The following QSOX2 variants were observed in gnomAD, a reference collection of about 807,000 sequenced individuals.
The protein encoded by QSOX2 is sulfhydryl oxidase 2.
In QSOX2, 46 loss-of-function variants were observed where a neutral mutation model predicts 61.7. The observed-to-expected ratio is 0.75, with a 90% CI of 0.59 to 0.95. The LOEUF is 0.95. QSOX2 is among the 40% of genes least tolerant of loss of function. The pLI, the probability that QSOX2 is intolerant of heterozygous loss-of-function variation, is 0.00. For missense variants in QSOX2, 879 were observed against 918.9 expected (o/e 0.96, Z 0.56); for synonymous variants, 383 against 388.4 (o/e 0.99, Z 0.16).
intron 8 of QSOX2, among the ~76,000 whole-genome samples, chr9:136,218,010 CA>C (rs1189649671): frequency 2.0e-5 from 3 of 152,210 alleles, no homozygotes; most frequent in Non-Finnish European, 4.4e-5. Context: ...TTATTTTTGG[CA>C]AGATAAATAT....
chr9:136,209,823 C>G lies in QSOX2; in HGVS notation c.1550-548G>C. The G allele has an allele frequency of 1.0e-6, 1 of 985,364 alleles. No individual in the cohort carries two copies. The highest frequency in any genetic ancestry group is 1.2e-6 in the Non-Finnish European group (1 of 829,914). 61.0% of individuals were successfully genotyped at this position (985,364 alleles called of 1,614,324 possible). A position where few individuals can be genotyped will look rare whatever the true frequency, so the allele number is the denominator to read the frequency against. ...CCACTGCACTTCAGGTACACTGGCC[C>G]TTTCCGGACTACAAATCCCTTCAAG... On this transcript the variant is annotated intron_variant, in intron 11 of 11. Coordinates refer to ENST00000358701, the MANE Select transcript of QSOX2 (RefSeq NM_181701.4). This position sits in a 1 kb window ranked among gnomAD's most constrained non-coding sequence, Gnocchi z 5.6.
chr9:136,211,219 C>G, intron 11 of QSOX2, 45 bp downstream of exon 11: 1 of 1,593,390 alleles, frequency 6.3e-7, no homozygotes, highest in Non-Finnish European at 8.6e-7. Context: ...GGACCAGGGC[C>G]TCCCTCCGCC....
chr9:136,227,128 G>A (rs752658244), intron 1 of QSOX2, among the ~76,000 whole-genome samples: 2 of 152,232 alleles, frequency 1.3e-5, no homozygotes, highest in African/African-American at 2.4e-5. Context: ...TGCACATCAC[G>A]GAGCAGGGAC....
intron 2 of QSOX2, among the ~76,000 whole-genome samples, chr9:136,225,432 G>C (rs1193287089): frequency 2.0e-5 from 3 of 152,226 alleles, no homozygotes; most frequent in African/African-American, 7.2e-5. Flanking sequence ...AAAAGCACTG[G>C]CCAGCTAAGA....
In QSOX2 at chr9:136,218,727, G is replaced by A. The variant is rs559659543; in HGVS notation, c.1038C>T (p.Ala346=). ...RVELAAHKSL[A]GAELKTLKDF... is the part of the protein sequence containing the mutation. ...CCTTGAGCGTCTTCAGCTCTGCTCC[G>A]GCCAGGGACTTGTGGGCTGCCAGCT... The change falls in exon 8 of 12, where the codon GCC becomes GCT. Residue 346 remains alanine, a synonymous_variant. Transcript: ENST00000358701. The A allele has an allele frequency of 3.5e-5, 57 of 1,613,756 alleles. No individual in the cohort carries two copies. Among genetic ancestry groups the A allele is most frequent in the African/African-American group, 9.3e-5 (7 of 75,072 alleles).
intron 1 of QSOX2, among the ~76,000 whole-genome samples, chr9:136,244,621 G>A (rs550206182): frequency 1.2e-4 from 18 of 152,328 alleles, no homozygotes; most frequent in African/African-American, 4.3e-4. Context: ...CTACTTCAGT[G>A]ATTTAAATAC....
Position 136,245,465 on chromosome 9 carries a change from G to A in QSOX2, c.328+11C>T, listed in dbSNP as rs782190265. On this transcript the variant is annotated intron_variant, in intron 1 of 11. Transcript: ENST00000358701. The stretch of plus-strand genomic sequence containing the variant: ...GGGGTCGGGGGGTCCCCGCGCGGGG[G>A]CGCGCCTCACCTCGCACATCCCCAG... The A allele has an allele frequency of 5.1e-6, 8 of 1,582,170 alleles. No homozygotes were observed. The highest frequency in any genetic ancestry group is 4.5e-5 in the South Asian group (4 of 89,746).
At chr9:136,243,153 C>T (rs1263716818) in intron 1 of QSOX2, among the ~76,000 whole-genome samples, 1 of 152,198 alleles carries the variant, frequency 6.6e-6, no homozygotes, top group Non-Finnish European at 1.5e-5. Context: ...AATAGCACAC[C>T]CTGCAGGAAA....
At chr9:136,218,379 G>A (rs1234786938) in intron 8 of QSOX2, among the ~76,000 whole-genome samples, 3 of 152,130 alleles carry the variant, frequency 2.0e-5, no homozygotes, top group East Asian at 1.9e-4. Flanking sequence ...GTGGGCCTCC[G>A]CTCCCTCCTC....
rs146170205 is a variant in QSOX2 at position 136,244,694 on chromosome 9, C to T, written c.328+782G>A. On this transcript the variant is annotated intron_variant, in intron 1 of 11. Transcript: ENST00000358701. Reference sequence around the variant, plus strand: ...CGCCAACTCTAACCTGTAGAGCAGGCGAGTAACTTCGTGACTGGTTAACAA... The same window carrying T: ...CGCCAACTCTAACCTGTAGAGCAGGTGAGTAACTTCGTGACTGGTTAACAA... 1.1e-4 allele frequency among the ~76,000 whole-genome samples: 16 copies of T among 152,284 alleles called. No homozygotes were observed. In the East Asian group the frequency reaches 3.1e-3, roughly 29 times the overall value.
In QSOX2 at chr9:136,215,276, A is replaced by G; in HGVS notation, c.1238T>C (p.Ile413Thr). ...GCTTCCTTGACATCCAACCCACTTT[A>G]TGTGATTAGTAAGGAATATTCCAGA... ...RISGIFLTNH[I>T]KWVGCQGSRS... Residue 413 changes from isoleucine to threonine, a missense_variant, in exon 10 of 12, where the codon ATA (isoleucine) becomes ACA (threonine). Ile to Thr is a moderately conservative substitution (Grantham distance 89). Coordinates refer to ENST00000358701, the MANE Select transcript of QSOX2 (RefSeq NM_181701.4). 6.2e-7 allele frequency: 1 copy of G among 1,613,966 alleles called. No individual in the cohort carries two copies. The highest frequency in any genetic ancestry group is 8.5e-7 in the Non-Finnish European group (1 of 1,179,990).
intron 6 of QSOX2, among the ~76,000 whole-genome samples, chr9:136,220,920 C>A (rs1831973377): frequency 6.6e-6 from 1 of 152,208 alleles, no homozygotes; most frequent in African/African-American, 2.4e-5. Context: ...GTTGCCCAGG[C>A]TGGTCTGGAA....
At chr9:136,240,423 A>T (rs543179659) in intron 1 of QSOX2, among the ~76,000 whole-genome samples, 32 of 152,340 alleles carry the variant, frequency 2.1e-4, no homozygotes, top group African/African-American at 7.7e-4. Flanking sequence ...AAGATAAAAC[A>T]ATCTCCCAAG....
intron 10 of QSOX2, among the ~76,000 whole-genome samples, chr9:136,213,221 G>A (rs937922411): frequency 2.7e-5 from 4 of 150,304 alleles, no homozygotes; most frequent in South Asian, 2.1e-4. Context: ...TCAGGCTCAC[G>A]CTTCAGAAGC....
rs73668100 is a variant in QSOX2, at chr9:136,235,761, A to G, written c.329-8887T>C. Among the ~76,000 whole-genome samples, 1,414 of 152,280 alleles carry G rather than the reference A, an allele frequency of 9.3e-3. 16 individuals carry two copies. The highest frequency in any genetic ancestry group is 0.032 in the African/African-American group (1,332 of 41,548). On this transcript the variant is annotated intron_variant, in intron 1 of 11. Coordinates refer to ENST00000358701, the MANE Select transcript of QSOX2 (RefSeq NM_181701.4). ...GGCGACCCGTGGAGCTCTGGTGGCT[A>G]CAGAGGCAGCATGGCCCAGTGGTGG...
intron 1 of QSOX2, among the ~76,000 whole-genome samples, chr9:136,231,575 T>C (rs1588639100): frequency 6.6e-6 from 1 of 152,214 alleles, no homozygotes. Context: ...TGGCGGCCCA[T>C]CCCCACACAT....
At chr9:136,241,424 A>T (rs1176706313) in intron 1 of QSOX2, among the ~76,000 whole-genome samples, 1 of 152,146 alleles carries the variant, frequency 6.6e-6, no homozygotes, top group Non-Finnish European at 1.5e-5. Context: ...ATTCATCTCC[A>T]AGAAGCCTGC....
At chr9:136,217,168 T>G (rs1259775782) in intron 8 of QSOX2, among the ~76,000 whole-genome samples, 1 of 152,228 alleles carries the variant, frequency 6.6e-6, no homozygotes, top group African/African-American at 2.4e-5. Context: ...CGCGCGGCAG[T>G]GCACATGCGC....
rs367864273 is a variant in QSOX2, at chr9:136,215,218, G to A, written c.1296C>T (p.Leu432=). ...RSELRGYPCS[L]WKLFHTLTVE... is the part of the protein sequence containing the mutation. ...CAGTCAAAGTGTGGAACAGTTTCCAGAGAGAACACGGGTAACCCCTCAACT... is the reference window on the plus strand; with the variant it reads ...CAGTCAAAGTGTGGAACAGTTTCCAAAGAGAACACGGGTAACCCCTCAACT... Residue 432 remains leucine (L), a synonymous_variant, in exon 10 of 12, where the codon CTC becomes CTT. Transcript: ENST00000358701. The A allele has an allele frequency of 5.6e-6, 9 of 1,614,124 alleles. No homozygotes were observed. Among genetic ancestry groups the A allele is most frequent in the Non-Finnish European group, 7.6e-6 (9 of 1,180,036 alleles).
Sources: allele counts gnomAD v4.1 joint callset (sites outside exome capture counted in the v4.1 genomes callset), GRCh38; gene constraint gnomAD v4.1.1; non-coding constraint Gnocchi (gnomAD v3.1); transcripts MANE v1.5; gene names NCBI Gene and HGNC (gene_info 2026-07-23, HGNC 2026-07-21).